The following GRM5 variants were observed in gnomAD, a reference collection of about 807,000 sequenced individuals.
GRM5 encodes the protein metabotropic glutamate receptor 5.
Under a neutral mutation model 83.1 loss-of-function variants are expected in GRM5, and 19 were observed. The observed-to-expected ratio is 0.23, with a 90% CI of 0.16 to 0.34. GRM5 has a LOEUF of 0.34. GRM5 is among the 10% of genes least tolerant of loss of function. GRM5 has a pLI of 1.00. For missense variants in GRM5, 1,160 were observed against 1,588.3 expected, an observed-to-expected ratio of 0.73 and a Z score of 4.58; for synonymous variants, 675 against 633.6, an observed-to-expected ratio of 1.07 and a Z score of -0.98.
intron 8 of GRM5, among the ~76,000 whole-genome samples, chr11:88,545,461 C>T (rs1397601547): frequency 6.6e-6 from 1 of 151,328 alleles, no homozygotes; most frequent in African/African-American, 2.4e-5. Context: ...TTGGCCCCCC[C>T]TCCCCCACCC....
intron 3 of GRM5, among the ~76,000 whole-genome samples, chr11:88,828,986 A>C (rs1215161465): frequency 6.6e-6 from 1 of 151,988 alleles, no homozygotes; most frequent in Non-Finnish European, 1.5e-5. Flanking sequence ...AATATCATTA[A>C]AATTTCAGCC....
intron 2 of GRM5, among the ~76,000 whole-genome samples, chr11:88,859,027 C>G (rs1414323423): frequency 6.6e-6 from 1 of 151,814 alleles, no homozygotes; most frequent in East Asian, 1.9e-4. Flanking sequence ...AGAAGAGAAA[C>G]CAAGATAATA....
At chr11:88,669,924 G>A (rs931629566) in intron 3 of GRM5, among the ~76,000 whole-genome samples, 8 of 151,900 alleles carry the variant, frequency 5.3e-5, no homozygotes, top group African/African-American at 7.3e-5. Context: ...AGGTGGAGAC[G>A]ATATTTACAA....
intron 3 of GRM5, among the ~76,000 whole-genome samples, chr11:88,848,486 G>T (rs557553853): frequency 6.6e-6 from 1 of 152,232 alleles, no homozygotes; most frequent in East Asian, 1.9e-4. Context: ...CAAGTGACTT[G>T]GCTCTCTATT....
intron 2 of GRM5, among the ~76,000 whole-genome samples, chr11:88,986,818 T>C (rs1204240238): frequency 6.6e-6 from 1 of 151,508 alleles, no homozygotes; most frequent in Non-Finnish European, 1.5e-5. Context: ...TCCTTCTAGT[T>C]TTCCTATAGA....
chr11:88,621,833 G>A (rs1168469501), intron 4 of GRM5, among the ~76,000 whole-genome samples: 1 of 152,060 alleles, frequency 6.6e-6, no homozygotes, highest in African/African-American at 2.4e-5. Flanking sequence ...TTGCAAAAAC[G>A]AATTACATTG....
chr11:88,996,294 G>A (rs1940186029), intron 2 of GRM5, among the ~76,000 whole-genome samples: 1 of 152,142 alleles, frequency 6.6e-6, no homozygotes, highest in Non-Finnish European at 1.5e-5. Context: ...AACTTCCAAA[G>A]GACATCTCTG....
intron 1 of GRM5, among the ~76,000 whole-genome samples, chr11:89,062,047 G>T (rs1487016989): frequency 6.6e-6 from 1 of 152,196 alleles, no homozygotes; most frequent in Non-Finnish European, 1.5e-5. Context: ...ATTTCACAGG[G>T]AGAAGGCTGG....
At chr11:88,766,264 G>C (rs2199580) in intron 3 of GRM5, among the ~76,000 whole-genome samples, 17 of 151,750 alleles carry the variant, frequency 1.1e-4, no homozygotes, top group Non-Finnish European at 1.6e-4. Flanking sequence ...TCCTCAGCAA[G>C]AAGTACAAAG....
chr11:88,535,074 A>G (rs557102494), intron 8 of GRM5, among the ~76,000 whole-genome samples: 3 of 152,256 alleles, frequency 2.0e-5, no homozygotes, highest in South Asian at 4.1e-4. Flanking sequence ...TGTAAATTGC[A>G]CAGTCTCGGG....
Position 88,869,207 on chromosome 11 carries a change from C to A in GRM5, c.662-19052G>T, listed in dbSNP as rs553026634. 2.6e-5 allele frequency among the ~76,000 whole-genome samples: 4 copies of A among 151,682 alleles called. No individual in the cohort carries two copies. The South Asian group carries it at 8.3e-4, about 31-fold the overall frequency. The stretch of plus-strand genomic sequence containing the variant: ...GGGGACACTTCTGGCTAAGAAAAAT[C>A]CTGGAAATGGAAGTCCTATCTATTC... On this transcript the variant is annotated intron_variant, in intron 2 of 9. Coordinates refer to ENST00000305447, the MANE Select transcript of GRM5 (RefSeq NM_001143831.3).
At chr11:88,876,441 T>G (rs1351031654) in intron 2 of GRM5, among the ~76,000 whole-genome samples, 1 of 152,144 alleles carries the variant, frequency 6.6e-6, no homozygotes, top group East Asian at 1.9e-4. Flanking sequence ...TAAGGCTATA[T>G]CAGATTCTTA....
intron 2 of GRM5, among the ~76,000 whole-genome samples, chr11:88,974,103 T>C (rs1320935922): frequency 3.3e-5 from 5 of 152,116 alleles, no homozygotes; most frequent in Non-Finnish European, 7.4e-5. Flanking sequence ...ATCATATTTG[T>C]TTTCAAGATC....
intron 2 of GRM5, among the ~76,000 whole-genome samples, chr11:89,030,299 T>C (rs1941231837): frequency 6.6e-6 from 1 of 152,130 alleles, no homozygotes; most frequent in Non-Finnish European, 1.5e-5. Flanking sequence ...TTTTTTCTTA[T>C]ACAATATATT....
chr11:88,827,108 T>G (rs375878046), intron 3 of GRM5, among the ~76,000 whole-genome samples: 1 of 152,272 alleles, frequency 6.6e-6, no homozygotes. Context: ...TGTGTTTATT[T>G]TGCTTGAGAA....
chr11:89,062,358 C>G (rs1349712962), intron 1 of GRM5, among the ~76,000 whole-genome samples: 3 of 152,150 alleles, frequency 2.0e-5, no homozygotes, highest in African/African-American at 7.2e-5. Flanking sequence ...TGCTTATGTC[C>G]CACTGGAGGA....
At chr11:88,724,251 A>G (rs1941620455) in intron 3 of GRM5, among the ~76,000 whole-genome samples, 1 of 152,154 alleles carries the variant, frequency 6.6e-6, no homozygotes, top group Middle Eastern at 3.2e-3. Flanking sequence ...GTGGAAAGGT[A>G]TCTTCTTTCC....
chr11:89,011,025 A>G (rs1468387287), intron 2 of GRM5, among the ~76,000 whole-genome samples: 2 of 152,204 alleles, frequency 1.3e-5, no homozygotes, highest in South Asian at 2.1e-4. Flanking sequence ...GAGAGAAATA[A>G]TATCTGCTTC....
At chr11:88,692,429 A>G (rs1940801733) in intron 3 of GRM5, among the ~76,000 whole-genome samples, 1 of 152,208 alleles carries the variant, frequency 6.6e-6, no homozygotes, top group Non-Finnish European at 1.5e-5. Flanking sequence ...TAGCTACAGA[A>G]TAGCTTCAAA....
Sources: allele counts gnomAD v4.1 joint callset (sites outside exome capture counted in the v4.1 genomes callset), GRCh38; gene constraint gnomAD v4.1.1; transcripts MANE v1.5; gene names NCBI Gene and HGNC (gene_info 2026-07-23, HGNC 2026-07-21).